The following ADGRG3 variants were observed in gnomAD, a reference collection of about 807,000 sequenced individuals.
The protein encoded by ADGRG3 is G protein-coupled receptor 97.
In ADGRG3, 39 loss-of-function variants were observed where a neutral mutation model predicts 54.3. That is an observed-to-expected ratio of 0.72 (90% CI 0.56 to 0.94). The LOEUF is 0.94. Among genes scored for constraint, ADGRG3 ranks in the 40% least tolerant of loss-of-function variants. The pLI is 0.00. For missense variants in ADGRG3, 654 were observed against 694.6 expected (o/e 0.94, Z 0.66); for synonymous variants, 312 against 290.0 (o/e 1.08, Z -0.77).
chr16:57,679,286 T>A lies in ADGRG3; in HGVS notation c.602T>A (p.Val201Asp), dbSNP rs1397213944. 4.3e-6 allele frequency: 7 copies of A among 1,613,768 alleles called. No homozygotes were observed. In the African/African-American group the frequency reaches 9.3e-5, roughly 22 times the overall value. ...AAGCTGGCTGAGCCTCTGGAGATCG[T>A]CTTCTCTCACCAGCGACCGCCCCCT... ...VTKLAEPLEI[V>D]FSHQRPPPNM... The change falls in exon 5 of 12, where the codon GTC (valine) becomes GAC (aspartate). Residue 201 changes from valine (V) to aspartate (D), a missense_variant. Val to Asp is a radical substitution (Grantham distance 152). Transcript: ENST00000333493.
intron 2 of ADGRG3, chr16:57,674,671 A>T (rs2048224927): frequency 2.4e-6 from 1 of 412,980 alleles, no homozygotes; most frequent in South Asian, 1.7e-5. Context: ...AAAGAATTTA[A>T]AACAAGTCTC....
At position 57,678,277 on chromosome 16, in the gene ADGRG3, C is replaced by T. The variant is rs777132134; in HGVS notation, c.453C>T (p.Ala151=). 13 of 1,614,086 alleles carry T rather than the reference C, an allele frequency of 8.1e-6. No homozygotes were observed. Among genetic ancestry groups the T allele is most frequent in the East Asian group, 2.2e-5 (1 of 44,896 alleles). The part of the protein sequence containing the change: ...LPGNRSVVRL[A]VTILDIGPGT... ...GCAACAGGTCTGTGGTCCGCTTGGCCGTCACCATTCTGGACATTGGTCCAG... is the reference window on the plus strand; with the variant it reads ...GCAACAGGTCTGTGGTCCGCTTGGCTGTCACCATTCTGGACATTGGTCCAG... The change falls in exon 4 of 12, where the codon GCC becomes GCT. Residue 151 remains alanine (A), a synonymous_variant. Coordinates refer to ENST00000333493, the MANE Select transcript of ADGRG3 (RefSeq NM_170776.5).
chr16:57,686,855 G>C (rs2048482241), intron 11 of ADGRG3: 1 of 152,286 alleles, frequency 6.6e-6, no homozygotes. Context: ...TGCTGTATTT[G>C]TTACTGGCCC....
upstream of ADGRG3, among the ~76,000 whole-genome samples, chr16:57,666,704 C>T (rs1038695458): frequency 1.3e-5 from 2 of 152,064 alleles, no homozygotes; most frequent in East Asian, 1.9e-4. Context: ...CCCCAGGGGG[C>T]GTTTCAGGGA....
In ADGRG3 at chr16:57,685,680, T is replaced by A; in HGVS notation, c.1294T>A (p.Tyr432Asn). Residue 432 changes from tyrosine (Y) to asparagine (N), a missense_variant, in exon 11 of 12, where the codon TAT (tyrosine) becomes AAT (asparagine). Coordinates refer to ENST00000333493, the MANE Select transcript of ADGRG3 (RefSeq NM_170776.5). ...FREGTTMYAL[Y>N]ITVHGYFLIT... ...TGAAGGGACAACCATGTACGCCCTC[T>A]ATATCACCGTCCACGGCTACTTCCT... is the stretch of plus-strand genomic sequence containing the variant. 1 of 1,614,190 alleles carries A rather than the reference T, an allele frequency of 6.2e-7. No homozygotes were observed. Among genetic ancestry groups the A allele is most frequent in the South Asian group, 1.1e-5 (1 of 91,080 alleles).
chr16:57,683,817 G>A, intron 8 of ADGRG3, 115 bp from the exon 9 acceptor site: 1 of 735,358 alleles, frequency 1.4e-6, no homozygotes, highest in Non-Finnish European at 2.1e-6. Flanking sequence ...GAGCAGGCAG[G>A]AGCTGGCAGT....
intron 3 of ADGRG3, among the ~76,000 whole-genome samples, chr16:57,677,940 C>G (rs1336228905): frequency 6.6e-6 from 1 of 152,228 alleles, no homozygotes; most frequent in Non-Finnish European, 1.5e-5. Context: ...TAGCTCTACT[C>G]TCTGTATTGG....
At chr16:57,674,150 T>G (rs1230544918) in intron 2 of ADGRG3, among the ~76,000 whole-genome samples, 4 of 151,980 alleles carry the variant, frequency 2.6e-5, no homozygotes, top group African/African-American at 9.7e-5. Context: ...GGACCGGTGA[T>G]GCAGGAAGAC....
chr16:57,670,629 T>C (rs2048138769), intron 1 of ADGRG3, among the ~76,000 whole-genome samples: 1 of 152,190 alleles, frequency 6.6e-6, no homozygotes, highest in Admixed American at 6.5e-5. Flanking sequence ...TGCTCATCTA[T>C]CATTTTCATT....
chr16:57,668,541 C>T, intron 1 of ADGRG3, 136 bp downstream of exon 1: 1 of 765,976 alleles, frequency 1.3e-6, no homozygotes, highest in Admixed American at 2.2e-5. Context: ...CCGATACCCC[C>T]CGTGGCCGCC....
At chr16:57,682,683 G>T in intron 8 of ADGRG3, 1 of 961,750 alleles carries the variant, frequency 1.0e-6, no homozygotes, top group Non-Finnish European at 1.2e-6. Flanking sequence ...CCCTCCCTCG[G>T]CTGAGAGCCC....
chr16:57,670,473 G>A (rs2048134180), intron 1 of ADGRG3, among the ~76,000 whole-genome samples: 1 of 151,906 alleles, frequency 6.6e-6, no homozygotes, highest in South Asian at 2.1e-4. Flanking sequence ...AGCTGACAAT[G>A]TTATCTCCCC....
rs536212021 is a variant in ADGRG3, at chr16:57,676,302, T to A, written c.309T>A (p.Thr103=). 9 of 1,614,212 alleles carry A rather than the reference T, an allele frequency of 5.6e-6. No individual in the cohort carries two copies. The East Asian group carries it at 2.0e-4, about 36-fold the overall frequency. Residue 103 remains threonine (T), a synonymous_variant, in exon 3 of 12, where the codon ACT becomes ACA. Transcript: ENST00000333493. ...TGGTCCAGAACCTCAGCACCAACAC[T>A]GCAGAAGACTTCTATTTCTCTCTGG... ...KALVQNLSTN[T]AEDFYFSLEP...
intron 7 of ADGRG3, 45 bp downstream of exon 7, chr16:57,680,410 C>T (rs112486007): frequency 0.02 from 31,432 of 1,567,472 alleles, 373 homozygotes; most frequent in Non-Finnish European, 0.024. Flanking sequence ...CAGGGGCTTC[C>T]AGCTCCTGCC....
At chr16:57,680,122 TC>T in intron 6 of ADGRG3, 142 bp from the exon 7 acceptor site, 1 of 397,796 alleles carries the variant, frequency 2.5e-6, no homozygotes, top group African/African-American at 3.3e-5. Flanking sequence ...CTCCCTATAT[TC>T]CCTTCCCCTC....
intron 2 of ADGRG3, 35 bp from the exon 3 acceptor site, chr16:57,676,165 G>A (rs72793600): frequency 0.13 from 204,102 of 1,603,748 alleles, 16,055 homozygotes; most frequent in African/African-American, 0.3. Flanking sequence ...CAGCCTGCAG[G>A]ATCCTACCCT....
chr16:57,680,405 G>C (rs144943621), intron 7 of ADGRG3, 40 bp downstream of exon 7: 2 of 1,583,164 alleles, frequency 1.3e-6, no homozygotes, highest in South Asian at 1.1e-5. Context: ...CATCCCAGGG[G>C]CTTCCAGCTC....
chr16:57,682,349 A>G (rs1355750571), intron 8 of ADGRG3: 1 of 339,116 alleles, frequency 2.9e-6, no homozygotes, highest in Non-Finnish European at 4.2e-6. Context: ...CCCCGCATCC[A>G]GGGCCGTCCC....
chr16:57,683,867 G>T (rs1393950544), intron 8 of ADGRG3, 65 bp from the exon 9 acceptor site: 24 of 1,376,672 alleles, frequency 1.7e-5, no homozygotes, highest in Non-Finnish European at 2.1e-5. Flanking sequence ...GGACAGGCTT[G>T]GGTGCCTCAT....
Sources: allele counts gnomAD v4.1 joint callset (sites outside exome capture counted in the v4.1 genomes callset), GRCh38; gene constraint gnomAD v4.1.1; transcripts MANE v1.5; gene names NCBI Gene and HGNC (gene_info 2026-07-23, HGNC 2026-07-21).